Variants in SUSD6 observed in about 807,000 individuals in gnomAD.
SUSD6 encodes sushi domain-containing protein 6.
SUSD6 carries 16 observed loss-of-function variants against 28.4 expected under a neutral mutation model. That is an observed-to-expected ratio of 0.56 (90% CI 0.38 to 0.86). SUSD6 has a LOEUF of 0.86. Ranked by LOEUF, SUSD6 falls within the 40% of genes least tolerant of loss-of-function variation. SUSD6 has a pLI of 0.00. For synonymous variants in SUSD6, 147 were observed against 159.6 expected (o/e 0.92, Z 0.59); for missense variants, 341 against 384.2 (o/e 0.89, Z 0.94).
At chr14:69,685,923 A>G (rs1469259471) in intron 2 of SUSD6, among the ~76,000 whole-genome samples, 3 of 152,216 alleles carry the variant, frequency 2.0e-5, no homozygotes, top group Admixed American at 6.5e-5. Flanking sequence ...AGCAGTCGTG[A>G]GGTGTGGCTG....
intron 1 of SUSD6, among the ~76,000 whole-genome samples, chr14:69,652,714 T>A (rs1885522226): frequency 6.6e-6 from 1 of 152,186 alleles, no homozygotes; most frequent in Non-Finnish European, 1.5e-5. Context: ...TAGCTGCTGC[T>A]GCTGTTGCCT....
intron 2 of SUSD6, chr14:69,670,500 A>T (rs1417027740): frequency 2.2e-6 from 1 of 456,654 alleles, no homozygotes; most frequent in African/African-American, 2.0e-5. Context: ...CTACACTGAG[A>T]TCTAAAGGCA....
At chr14:69,654,036 C>G (rs1885542739) in intron 1 of SUSD6, among the ~76,000 whole-genome samples, 1 of 152,192 alleles carries the variant, frequency 6.6e-6, no homozygotes, top group Non-Finnish European at 1.5e-5. Flanking sequence ...GCCCTCATTT[C>G]CATCACCCCG....
intron 2 of SUSD6, among the ~76,000 whole-genome samples, chr14:69,693,669 C>T (rs1179775596): frequency 6.6e-6 from 1 of 152,098 alleles, no homozygotes; most frequent in Non-Finnish European, 1.5e-5. Context: ...GATACAAGAC[C>T]CTTTCAAGTA....
chr14:69,674,452 G>T (rs1885878189), intron 2 of SUSD6, among the ~76,000 whole-genome samples: 1 of 151,984 alleles, frequency 6.6e-6, no homozygotes, highest in South Asian at 2.1e-4. Context: ...TTACTCCTCA[G>T]CACTCTGGCA....
intron 2 of SUSD6, among the ~76,000 whole-genome samples, chr14:69,669,698 C>T (rs1885801161): frequency 7.0e-6 from 1 of 143,820 alleles, no homozygotes; most frequent in Non-Finnish European, 1.5e-5. Flanking sequence ...CTTTTCCTCC[C>T]ATACTTCTCT....
intron 1 of SUSD6, among the ~76,000 whole-genome samples, chr14:69,651,707 GGGTAGGA>G (rs575236276): frequency 4.6e-5 from 7 of 152,324 alleles, no homozygotes; most frequent in African/African-American, 1.7e-4. Flanking sequence ...GAATTTTGGG[GGGTAGGA>G]GGCATTAAGG....
At chr14:69,692,005 C>T (rs1322763521) in intron 2 of SUSD6, among the ~76,000 whole-genome samples, 1 of 149,790 alleles carries the variant, frequency 6.7e-6, no homozygotes. Flanking sequence ...TGCCACTGCA[C>T]TCCAGCTTGG....
intron 1 of SUSD6, among the ~76,000 whole-genome samples, chr14:69,635,953 G>A (rs1001065330): frequency 6.6e-6 from 1 of 152,200 alleles, no homozygotes; most frequent in African/African-American, 2.4e-5. Context: ...TATGCTTCAG[G>A]GTCATAGAAC....
intron 2 of SUSD6, among the ~76,000 whole-genome samples, chr14:69,670,703 G>A (rs558064512): frequency 6.6e-6 from 1 of 152,384 alleles, no homozygotes; most frequent in East Asian, 1.9e-4. Flanking sequence ...ATATAGGGTT[G>A]TGGTGAAGAT....
At chr14:69,673,082 C>T (rs1338455083) in intron 2 of SUSD6, among the ~76,000 whole-genome samples, 1 of 152,182 alleles carries the variant, frequency 6.6e-6, no homozygotes, top group Non-Finnish European at 1.5e-5. Context: ...TTCCTCCTTC[C>T]TCCAGTGGCA....
chr14:69,612,542 A>C (rs528149681), intron 1 of SUSD6, among the ~76,000 whole-genome samples: 5 of 152,098 alleles, frequency 3.3e-5, no homozygotes, highest in Admixed American at 6.5e-5. Context: ...GGAGCTGCTG[A>C]AGTGGAGAAA....
intron 2 of SUSD6, among the ~76,000 whole-genome samples, chr14:69,687,869 CT>C (rs770950348): frequency 3.3e-5 from 5 of 151,912 alleles, no homozygotes; most frequent in Non-Finnish European, 7.4e-5. Context: ...GCTTTTTTTT[CT>C]TTTTGTTTTT....
chr14:69,679,676 G>A (rs913112477), intron 2 of SUSD6, among the ~76,000 whole-genome samples: 3 of 151,908 alleles, frequency 2.0e-5, no homozygotes, highest in South Asian at 2.1e-4. Flanking sequence ...CAGGGAAGCC[G>A]AAAGATTGGA....
chr14:69,709,371 C>T (rs1483512198), intron 5 of SUSD6, among the ~76,000 whole-genome samples: 4 of 152,066 alleles, frequency 2.6e-5, no homozygotes, highest in Non-Finnish European at 5.9e-5. Context: ...CTTGCTAAAT[C>T]AAAAGACAGC....
intron 2 of SUSD6, among the ~76,000 whole-genome samples, chr14:69,696,252 A>C (rs182111531): frequency 6.6e-6 from 1 of 152,232 alleles, no homozygotes; most frequent in South Asian, 2.1e-4. Flanking sequence ...CACTCAACTC[A>C]GTTAAGCCTT....
intron 1 of SUSD6, among the ~76,000 whole-genome samples, chr14:69,614,291 G>A (rs535841687): frequency 6.6e-6 from 1 of 152,198 alleles, no homozygotes; most frequent in South Asian, 2.1e-4. Flanking sequence ...GGTCTCGAAC[G>A]CCTGACCTCA....
At chr14:69,635,115 A>T (rs1885245537) in intron 1 of SUSD6, among the ~76,000 whole-genome samples, 1 of 152,226 alleles carries the variant, frequency 6.6e-6, no homozygotes, top group South Asian at 2.1e-4. Context: ...GACACTCAGT[A>T]GCAGTGGACT....
chr14:69,626,054 T>A (rs891483414), intron 1 of SUSD6, among the ~76,000 whole-genome samples: 10 of 152,146 alleles, frequency 6.6e-5, no homozygotes, highest in African/African-American at 2.2e-4. Flanking sequence ...CCAGTCTTGG[T>A]GGGAAATAGG....
Sources: gnomAD v4.1 joint callset for allele counts (sites outside exome capture counted in the v4.1 genomes callset) on GRCh38, gnomAD v4.1.1 for gene constraint, MANE v1.5 for transcripts, NCBI Gene and HGNC (gene_info 2026-07-23, HGNC 2026-07-21) for gene names.